Variants in SETDB2 observed in about 807,000 individuals in gnomAD.
The protein encoded by SETDB2 is SET domain bifurcated histone lysine methyltransferase 2.
In SETDB2, 56 loss-of-function variants were observed where a neutral mutation model predicts 82.5. That is an observed-to-expected ratio of 0.68 (90% confidence interval 0.55 to 0.85). SETDB2 has a LOEUF of 0.85. SETDB2 is among the 40% of genes least tolerant of loss of function. The probability of loss-of-function intolerance (pLI) is 0.00; values close to 1 mark genes in which losing one functional copy is unlikely to be tolerated. For synonymous variants in SETDB2, 272 were observed against 284.9 expected, an observed-to-expected ratio of 0.95 and a Z score of 0.46; for missense variants, 677 against 816.4, an observed-to-expected ratio of 0.83 and a Z score of 2.08.
intron 11 of SETDB2, among the ~76,000 whole-genome samples, chr13:49,487,723 A>C (rs1958624774): frequency 6.6e-6 from 1 of 152,232 alleles, no homozygotes; most frequent in Non-Finnish European, 1.5e-5. Context: ...TCTGCTTTTA[A>C]AGGATTATTG....
chr13:49,463,791 C>T (rs914943454), intron 4 of SETDB2, among the ~76,000 whole-genome samples: 1 of 152,142 alleles, frequency 6.6e-6, no homozygotes, highest in African/African-American at 2.4e-5. Flanking sequence ...TCTATACACT[C>T]ATACCATAAG....
chr13:49,468,818 A>G (rs890912727), intron 5 of SETDB2, among the ~76,000 whole-genome samples: 5 of 152,012 alleles, frequency 3.3e-5, no homozygotes, highest in African/African-American at 9.7e-5. Context: ...GCTCACAGAG[A>G]AAGCTAAGTT....
chr13:49,468,459 G>C (rs1958159376), intron 5 of SETDB2, among the ~76,000 whole-genome samples: 1 of 151,760 alleles, frequency 6.6e-6, no homozygotes, highest in South Asian at 2.1e-4. Flanking sequence ...GCGGAAGAGT[G>C]AATCTAGATA....
intron 6 of SETDB2, among the ~76,000 whole-genome samples, chr13:49,477,649 A>C (rs1008337507): frequency 6.6e-6 from 1 of 152,222 alleles, no homozygotes; most frequent in Non-Finnish European, 1.5e-5. Context: ...CACTGTGACA[A>C]GTACTTCACA....
At chr13:49,478,446 A>G (rs1314925640) in intron 6 of SETDB2, among the ~76,000 whole-genome samples, 1 of 152,166 alleles carries the variant, frequency 6.6e-6, no homozygotes, top group Non-Finnish European at 1.5e-5. Flanking sequence ...AAAGCACCCA[A>G]TGTAGAGCAG....
chr13:49,462,298 G>T (rs891271304), intron 4 of SETDB2, among the ~76,000 whole-genome samples: 4 of 152,184 alleles, frequency 2.6e-5, no homozygotes, highest in Admixed American at 6.5e-5. Context: ...CTGACAACCA[G>T]CCCCCATTCT....
chr13:49,447,131 T>C (rs1420410448), intron 1 of SETDB2, among the ~76,000 whole-genome samples: 1 of 152,176 alleles, frequency 6.6e-6, no homozygotes, highest in Non-Finnish European at 1.5e-5. Context: ...CTATTATGTT[T>C]GTTAACCTAT....
chr13:49,484,670 T>TTG (rs1366280119), intron 10 of SETDB2, among the ~76,000 whole-genome samples: 1 of 152,170 alleles, frequency 6.6e-6, no homozygotes, highest in Non-Finnish European at 1.5e-5. Flanking sequence ...ACCCTTTGCA[T>TTG]TGTGAACTAA....
chr13:49,471,934 A>ATATATTTT (rs1378783393), intron 5 of SETDB2, among the ~76,000 whole-genome samples: 9 of 119,280 alleles, frequency 7.5e-5, no homozygotes, highest in African/African-American at 2.2e-4. Context: ...ATATATATAT[A>ATATATTTT]TTTTTTTTTT....
chr13:49,469,242 T>C (rs1046252792), intron 5 of SETDB2, among the ~76,000 whole-genome samples: 33 of 152,196 alleles, frequency 2.2e-4, no homozygotes, highest in African/African-American at 8.0e-4. Flanking sequence ...GATAAAAACC[T>C]TGTGGCTGGC....
chr13:49,477,026 G>C lies in SETDB2; in HGVS notation c.856G>C (p.Gly286Arg). ...MFTDSCDCSE[G>R]CIDITKCACL... is the part of the protein sequence containing the mutation. ...TACTGATTCCTGTGACTGCTCTGAG[G>C]GCTGCATAGACATGTGAGTAGAAAA... Residue 286 changes from glycine (G) to arginine (R), a missense_variant, in exon 6 of 14, where the codon GGC becomes CGC. Physicochemically the swap from Gly to Arg is moderately radical, Grantham distance 125 (BLOSUM62 -2). Coordinates refer to ENST00000611815, the MANE Select transcript of SETDB2 (RefSeq NM_001160308.3). The C allele has an allele frequency of 6.3e-7, 1 of 1,595,282 alleles. No individual in the cohort carries two copies.
At position 49,463,382 on chromosome 13, in the gene SETDB2, AG is replaced by A. The variant is rs558185966; in HGVS notation, c.208+2222del. Among the ~76,000 whole-genome samples, 678 of 152,274 alleles carry A rather than the reference AG, an allele frequency of 4.5e-3. 2 individuals are homozygous for A. Among genetic ancestry groups the A allele is most frequent in the Non-Finnish European group, 7.8e-3 (531 of 68,016 alleles). ...AGAGAGACCTTCGGGTGAATACAGG[AG>A]GATCTTTATTGAGTGCACTCAGACC... On this transcript the variant is annotated intron_variant, in intron 4 of 13. Coordinates refer to ENST00000611815, the MANE Select transcript of SETDB2 (RefSeq NM_001160308.3).
At chr13:49,453,523 C>T (rs1372196418) in intron 2 of SETDB2, among the ~76,000 whole-genome samples, 1 of 152,070 alleles carries the variant, frequency 6.6e-6, no homozygotes, top group Admixed American at 6.6e-5. Context: ...GTCTCGAACT[C>T]CTGACCTCAA....
intron 1 of SETDB2, among the ~76,000 whole-genome samples, chr13:49,448,597 G>T (rs1280463030): frequency 2.0e-5 from 3 of 152,072 alleles, no homozygotes; most frequent in Non-Finnish European, 2.9e-5. Flanking sequence ...AGTATGGGGT[G>T]GGGGGTTGAT....
rs55800238 is a variant in SETDB2 at position 49,460,303 on chromosome 13, A to G, written c.142+71A>G. On this transcript the variant is annotated intron_variant, in intron 3 of 13. Coordinates refer to ENST00000611815, the MANE Select transcript of SETDB2 (RefSeq NM_001160308.3). Reference sequence around the variant, plus strand: ...CTCTCTGACAGTACAGTATCATTCTATTTCCAATATTGCTGTTTGTAAAAG... The same window carrying G: ...CTCTCTGACAGTACAGTATCATTCTGTTTCCAATATTGCTGTTTGTAAAAG... 243 of 1,440,240 alleles carry G rather than the reference A, an allele frequency of 1.7e-4. No individual in the cohort carries two copies. In the African/African-American group the frequency reaches 2.8e-3, roughly 17 times the overall value. 89.2% of individuals were successfully genotyped at this position (1,440,240 alleles called of 1,614,324 possible). A position where few individuals can be genotyped will look rare whatever the true frequency, so the allele number is the denominator to read the frequency against.
intron 5 of SETDB2, among the ~76,000 whole-genome samples, chr13:49,471,859 CAT>C (rs1958248178): frequency 1.3e-5 from 2 of 149,614 alleles, no homozygotes; most frequent in Non-Finnish European, 3.0e-5. Context: ...CATGACCAAA[CAT>C]AGCTGCCCCA....
At chr13:49,452,254 G>A (rs1217304317) in intron 2 of SETDB2, among the ~76,000 whole-genome samples, 1 of 152,030 alleles carries the variant, frequency 6.6e-6, no homozygotes, top group Non-Finnish European at 1.5e-5. Context: ...TGGGATTACA[G>A]GCATGTGCCA....
chr13:49,452,141 A>C (rs1469697543), intron 2 of SETDB2, among the ~76,000 whole-genome samples: 2 of 148,046 alleles, frequency 1.4e-5, no homozygotes, highest in African/African-American at 5.0e-5. Context: ...TTGGTGATGG[A>C]GTCTCTGTCG....
chr13:49,446,462 T>A (rs1225684227), intron 1 of SETDB2: 2 of 450,378 alleles, frequency 4.4e-6, no homozygotes, highest in Admixed American at 4.9e-5. Context: ...AGCTTTCAAG[T>A]GTTTTTTAAT....
Sources: gnomAD v4.1 joint callset for allele counts (sites outside exome capture counted in the v4.1 genomes callset) on GRCh38, gnomAD v4.1.1 for gene constraint, MANE v1.5 for transcripts, NCBI Gene and HGNC (gene_info 2026-07-23, HGNC 2026-07-21) for gene names.